The following PPP1R1C variants were observed in gnomAD, a reference collection of about 807,000 sequenced individuals.
The protein encoded by PPP1R1C is protein phosphatase 1 regulatory inhibitor subunit 1C.
PPP1R1C carries 15 observed loss-of-function variants against 17.4 expected under a neutral mutation model. That is an observed-to-expected ratio of 0.86 (90% CI 0.58 to 1.33). The LOEUF is 1.33. PPP1R1C is among the 40% of genes most tolerant of loss of function. The pLI is 0.00. For synonymous variants in PPP1R1C, 35 were observed against 43.1 expected (o/e 0.81, Z 0.73); for missense variants, 143 against 130.0 (o/e 1.10, Z -0.48).
chr2:181,959,675 A>G (rs1269580616), intron 1 of PPP1R1C, among the ~76,000 whole-genome samples: 1 of 152,188 alleles, frequency 6.6e-6, no homozygotes, highest in Non-Finnish European at 1.5e-5. Flanking sequence ...TTTTAGGTGT[A>G]TGAGACTATT....
chr2:182,020,416 A>T (rs1461601636), intron 2 of PPP1R1C, among the ~76,000 whole-genome samples: 1 of 152,190 alleles, frequency 6.6e-6, no homozygotes, highest in Admixed American at 6.5e-5. Flanking sequence ...TGTCTTTTTG[A>T]GAGCCACATG....
At chr2:181,960,079 A>G (rs1684740228) in intron 1 of PPP1R1C, among the ~76,000 whole-genome samples, 1 of 152,232 alleles carries the variant, frequency 6.6e-6, no homozygotes, top group Non-Finnish European at 1.5e-5. Flanking sequence ...AATTGTGGAT[A>G]CCTGTATAAA....
chr2:182,084,795 G>A (rs1453102682), intron 4 of PPP1R1C, among the ~76,000 whole-genome samples: 1 of 152,028 alleles, frequency 6.6e-6, no homozygotes. Flanking sequence ...GTGAAAAAAT[G>A]ATGTTGATGT....
rs146410195 is a variant in PPP1R1C at position 182,057,928 on chromosome 2, G to A, written c.143-3514G>A. On this transcript the variant is annotated intron_variant, in intron 2 of 4. Coordinates refer to ENST00000682840, the MANE Select transcript of PPP1R1C (RefSeq NM_001080545.3). ...TTTATTTTTCAAGTTTTTATTAATG[G>A]GCTTAATTTTTTTAAAGAGTTTTAG... Among the ~76,000 whole-genome samples the A allele has an allele frequency of 3.9e-3, 597 of 151,942 alleles. 6 individuals carry two copies. Among genetic ancestry groups the A allele is most frequent in the African/African-American group, 0.014 (572 of 41,450 alleles).
chr2:181,966,491 T>C (rs1349595817), intron 1 of PPP1R1C, among the ~76,000 whole-genome samples: 1 of 152,026 alleles, frequency 6.6e-6, no homozygotes, highest in Non-Finnish European at 1.5e-5. Flanking sequence ...TATACCCAGT[T>C]TTTTTAGTAT....
At chr2:182,084,266 G>C (rs577666946) in intron 4 of PPP1R1C, among the ~76,000 whole-genome samples, 2 of 152,130 alleles carry the variant, frequency 1.3e-5, no homozygotes, top group South Asian at 4.1e-4. Flanking sequence ...GAGCTTTTTA[G>C]TTTAATTAGG....
exon 6 of PPP1R1C, chr2:182,129,014 G>C (rs936986364): frequency 6.6e-6 from 1 of 152,074 alleles, no homozygotes; most frequent in Non-Finnish European, 1.5e-5. Context: ...TGACTTGTTA[G>C]TGCTGTGCTT....
chr2:181,985,493 A>G (rs1040468735), upstream of PPP1R1C, among the ~76,000 whole-genome samples: 97 of 152,312 alleles, frequency 6.4e-4, no homozygotes, highest in African/African-American at 2.2e-3. The surrounding 1 kb of genome is among the most constrained non-coding windows in gnomAD (Gnocchi z 4.1). Flanking sequence ...GCATAAACAT[A>G]GCTGATATTA....
intron 5 of PPP1R1C, among the ~76,000 whole-genome samples, chr2:182,127,988 ATAT>A (rs1445902128): frequency 1.3e-5 from 2 of 152,130 alleles, no homozygotes; most frequent in Non-Finnish European, 1.5e-5. Context: ...AACCAGTCAG[ATAT>A]TATTAACTGT....
chr2:181,986,815 T>C (rs1289830108), intron 1 of PPP1R1C, among the ~76,000 whole-genome samples: 1 of 152,202 alleles, frequency 6.6e-6, no homozygotes, highest in East Asian at 1.9e-4. Context: ...GTATCACCTT[T>C]CATATTCAGA....
chr2:181,978,200 C>G (rs983342177), intron 2 of PPP1R1C, among the ~76,000 whole-genome samples: 3 of 152,306 alleles, frequency 2.0e-5, no homozygotes, highest in Non-Finnish European at 4.4e-5. Context: ...TCCCATGATT[C>G]AATTAACTCC....
chr2:182,125,672 G>A (rs7606356), intron 5 of PPP1R1C, among the ~76,000 whole-genome samples: 36,866 of 151,960 alleles, frequency 0.24, 5,007 homozygotes, highest in African/African-American at 0.37. Context: ...AGATTTTCTA[G>A]TTTATTTGTG....
Position 182,117,228 on chromosome 2 carries a change from A to C in PPP1R1C, c.263A>C (p.Gln88Pro), listed in dbSNP as rs980399523. Residue 88 changes from glutamine (Q) to proline (P), a missense_variant, in exon 5 of 5, where the codon CAG becomes CCG. Physicochemically the swap from Gln to Pro is moderately conservative, Grantham distance 76. Transcript: ENST00000682840. ...TIKGVKHLKG[Q>P]NESAFPEEEE... ...TCAGGGGTTAAGCATCTGAAAGGCC[A>C]GAATGAATCAGCATTCCCTGAAGAA... 1 of 1,558,782 alleles carries C rather than the reference A, an allele frequency of 6.4e-7. No individual in the cohort carries two copies. The highest frequency in any genetic ancestry group is 8.7e-7 in the Non-Finnish European group (1 of 1,150,930).
Position 181,966,958 on chromosome 2 carries a change from G to A in PPP1R1C, n.112-8261G>A, listed in dbSNP as rs373503528. Among the ~76,000 whole-genome samples the A allele has an allele frequency of 1.1e-3, 174 of 152,242 alleles. 1 individual carries two copies. The South Asian group carries it at 0.021, about 18-fold the overall frequency. On this transcript the variant is annotated intron_variant and non_coding_transcript_variant, in intron 1 of 5. Coordinates refer to the PPP1R1C transcript ENST00000464264. ...GGTGCTTGGCTTTTCCTTACTGGGA[G>A]ACTTTTTATTATAGCATTGATCTTG...
intron 2 of PPP1R1C, among the ~76,000 whole-genome samples, chr2:182,052,002 CAAAAAA>C (rs113640993): frequency 3.2e-5 from 4 of 126,200 alleles, no homozygotes; most frequent in Non-Finnish European, 6.9e-5. Context: ...GACTCTGTCT[CAAAAAA>C]AAAAAAATCA....
At chr2:182,095,002 G>T (rs1177879695) in intron 4 of PPP1R1C, among the ~76,000 whole-genome samples, 1 of 152,170 alleles carries the variant, frequency 6.6e-6, no homozygotes, top group Non-Finnish European at 1.5e-5. Flanking sequence ...TTAAGAAGTG[G>T]CATGTTGGCC....
At chr2:182,091,790 A>G (rs79013578) in intron 4 of PPP1R1C, among the ~76,000 whole-genome samples, 2,992 of 152,118 alleles carry the variant, frequency 0.02, 106 homozygotes, top group African/African-American at 0.067. Context: ...ATTTGTTCCA[A>G]TTATTCTTTC....
chr2:181,968,147 TGAG>T (rs1490122426), intron 1 of PPP1R1C, among the ~76,000 whole-genome samples: 1 of 152,260 alleles, frequency 6.6e-6, no homozygotes, highest in African/African-American at 2.4e-5. Context: ...ATTCAGGTGC[TGAG>T]GAGAAGATTA....
At position 182,113,067 on chromosome 2, in the gene PPP1R1C, C is replaced by T. The variant is rs560871828; in HGVS notation, c.242-4140C>T. Among the ~76,000 whole-genome samples, 4 of 152,262 alleles carry T rather than the reference C, an allele frequency of 2.6e-5. No homozygotes were observed. The East Asian group carries it at 5.8e-4, about 22-fold the overall frequency. ...TAGCATCCTAGGATCTGCAAGGTTA[C>T]GTGTTCACCCTGCTACTTAATGCAG... On this transcript the variant is annotated intron_variant, in intron 4 of 4. Transcript: ENST00000682840.
Sources: gnomAD v4.1 joint callset for allele counts (sites outside exome capture counted in the v4.1 genomes callset) on GRCh38, gnomAD v4.1.1 for gene constraint, Gnocchi (gnomAD v3.1) non-coding constraint, MANE v1.5 for transcripts, NCBI Gene and HGNC (gene_info 2026-07-23, HGNC 2026-07-21) for gene names.